The following OXNAD1 variants were observed in gnomAD, a reference collection of about 807,000 sequenced individuals.
The protein encoded by OXNAD1 is oxidoreductase NAD-binding domain-containing protein 1.
Under a neutral mutation model 32.9 loss-of-function variants are expected in OXNAD1, and 34 were observed. That is an observed-to-expected ratio of 1.03 (90% CI 0.79 to 1.38). The LOEUF is 1.38. Among genes scored for constraint, OXNAD1 ranks in the 40% most tolerant of loss-of-function variants. OXNAD1 has a pLI of 0.00. For missense variants in OXNAD1, 407 were observed against 379.4 expected (o/e 1.07, Z -0.60); for synonymous variants, 134 against 135.2 (o/e 0.99, Z 0.06).
rs1294891711 is a variant in OXNAD1, at chr3:16,305,898, T to G, written c.*2336T>G. 6.6e-6 allele frequency: 1 copy of G among 151,436 alleles called. No homozygotes were observed. The highest frequency in any genetic ancestry group is 1.5e-5 in the Non-Finnish European group (1 of 67,754). The allele number at this position is 151,436 out of a possible 1,614,324, so 9.4% of individuals were successfully genotyped here. A position where few individuals can be genotyped will look rare whatever the true frequency, so the allele number is the denominator to read the frequency against. On this transcript the variant is annotated 3_prime_UTR_variant, in exon 9 of 9. Coordinates refer to ENST00000285083, the MANE Select transcript of OXNAD1 (RefSeq NM_138381.5). This position sits in a 1 kb window ranked among gnomAD's most constrained non-coding sequence, Gnocchi z 4.5. ...GCATGAGTGTGTTGTCGTTATTAAT[T>G]TGCTATTCCTTGTCCTATTCAGAAA...
chr3:16,266,093 G>T (rs1051117832), intron 1 of OXNAD1, among the ~76,000 whole-genome samples: 1 of 152,052 alleles, frequency 6.6e-6, no homozygotes, highest in Non-Finnish European at 1.5e-5. Flanking sequence ...TTCGAGAGAA[G>T]ATCTGGGATC....
chr3:16,325,250 C>T (rs1429312286), intron 9 of OXNAD1, among the ~76,000 whole-genome samples: 1 of 152,220 alleles, frequency 6.6e-6, no homozygotes, highest in African/African-American at 2.4e-5. Flanking sequence ...AACAAAAGCT[C>T]AGCTCAAGAG....
At chr3:16,326,361 T>C (rs2069689481) in intron 9 of OXNAD1, among the ~76,000 whole-genome samples, 1 of 152,244 alleles carries the variant, frequency 6.6e-6, no homozygotes, top group African/African-American at 2.4e-5. Flanking sequence ...GCAAAATGGG[T>C]TTAATAATAA....
chr3:16,273,035 A>AT (rs2065065228), intron 4 of OXNAD1, among the ~76,000 whole-genome samples: 1 of 152,186 alleles, frequency 6.6e-6, no homozygotes. Context: ...AGCCATAGAC[A>AT]GTATGTATAC....
In OXNAD1 at chr3:16,303,655, T is replaced by G. The variant is rs1017881652; in HGVS notation, c.*93T>G. The G allele has an allele frequency of 3.5e-5, 46 of 1,328,836 alleles. No individual in the cohort carries two copies. Among genetic ancestry groups the G allele is most frequent in the Admixed American group, 2.0e-4 (7 of 34,804 alleles). 82.3% of individuals were successfully genotyped at this position (1,328,836 alleles called of 1,614,324 possible). On this transcript the variant is annotated 3_prime_UTR_variant, in exon 9 of 9. Transcript: ENST00000285083. This position sits in a 1 kb window ranked among gnomAD's most constrained non-coding sequence, Gnocchi z 4.8. ...ATGATTAATTTTTTTTATCTCTACT[T>G]GAGTTGTCTTATTTTTTAAGGCTAT...
At chr3:16,266,185 G>T (rs2064484600) in intron 1 of OXNAD1, among the ~76,000 whole-genome samples, 1 of 152,148 alleles carries the variant, frequency 6.6e-6, no homozygotes, top group South Asian at 2.1e-4. Flanking sequence ...GAAAGGATTG[G>T]AGTAGAGATG....
downstream of OXNAD1, among the ~76,000 whole-genome samples, chr3:16,307,435 T>TCCTCTA (rs2067639839): frequency 6.6e-6 from 1 of 152,116 alleles, no homozygotes; most frequent in Admixed American, 6.6e-5. Flanking sequence ...AGAGGATGGA[T>TCCTCTA]TGGCTAGCTG....
chr3:16,328,276 A>G (rs2069934517), intron 9 of OXNAD1, among the ~76,000 whole-genome samples: 1 of 152,232 alleles, frequency 6.6e-6, no homozygotes, highest in Non-Finnish European at 1.5e-5. Flanking sequence ...TAGAGTGCCA[A>G]GGTCTGTGGT....
Position 16,321,115 on chromosome 3 carries a change from G to T in OXNAD1, c.*31-15997G>T, listed in dbSNP as rs1406580079. ...AGGGTCAGCAGGGATAGCCCCTAAG[G>T]TGCAATGCCATTCCTCTAGATAGGG... On this transcript the variant is annotated intron_variant, in intron 9 of 9. Coordinates refer to the OXNAD1 transcript ENST00000435829. The surrounding 1 kb of genome is among the most constrained non-coding windows in gnomAD (Gnocchi z 4.8). Among the ~76,000 whole-genome samples, 1 of 152,140 alleles carries T rather than the reference G, an allele frequency of 6.6e-6. No homozygotes were observed. The highest frequency in any genetic ancestry group is 1.5e-5 in the Non-Finnish European group (1 of 68,018).
rs867186749 is a variant in OXNAD1, at chr3:16,287,954, G to A, written c.290+1506G>A. Among the ~76,000 whole-genome samples the A allele has an allele frequency of 3.3e-5, 5 of 152,154 alleles. No individual in the cohort carries two copies. Among genetic ancestry groups the A allele is most frequent in the African/African-American group, 1.2e-4 (5 of 41,438 alleles). Reference sequence around the variant, plus strand: ...GACTTCTTCGGAGGTCGGACTTGGCGGGTAAGGATCACTGGCTGGTAGTGT... The same window carrying A: ...GACTTCTTCGGAGGTCGGACTTGGCAGGTAAGGATCACTGGCTGGTAGTGT... On this transcript the variant is annotated intron_variant, in intron 5 of 8. Coordinates refer to ENST00000285083, the MANE Select transcript of OXNAD1 (RefSeq NM_138381.5). The surrounding 1 kb of genome is among the most constrained non-coding windows in gnomAD (Gnocchi z 4.8).
rs908388218 is a variant in OXNAD1, at chr3:16,344,740, C to T, written c.*31-4436C>T. On this transcript the variant is annotated intron_variant, in intron 9 of 9. Transcript: ENST00000606098. The surrounding 1 kb of genome is among the most constrained non-coding windows in gnomAD (Gnocchi z 4.4). ...AATGAAAGCACATCGTTGCCAAGTGCGGCCTCTCAATCAGTTATACACCAC... is the reference window on the plus strand; with the variant it reads ...AATGAAAGCACATCGTTGCCAAGTGTGGCCTCTCAATCAGTTATACACCAC... Among the ~76,000 whole-genome samples the T allele has an allele frequency of 5.3e-5, 8 of 152,164 alleles. No homozygotes were observed. Among genetic ancestry groups the T allele is most frequent in the Admixed American group, 5.2e-4 (8 of 15,280 alleles).
intron 9 of OXNAD1, among the ~76,000 whole-genome samples, chr3:16,332,519 G>A (rs1339534009): frequency 6.6e-6 from 1 of 151,246 alleles, no homozygotes; most frequent in Non-Finnish European, 1.5e-5. Context: ...CGGTTCCCAG[G>A]TTGCATGTGA....
rs2066292219 is a variant in OXNAD1 at position 16,289,609 on chromosome 3, A to G, written c.290+3161A>G. ...CACTGTAGATAGATAATATCCTTGCAACCTACACAAGCATGTGTGGCAGCC... is the reference window on the plus strand; with the variant it reads ...CACTGTAGATAGATAATATCCTTGCGACCTACACAAGCATGTGTGGCAGCC... On this transcript the variant is annotated intron_variant, in intron 5 of 8. Coordinates refer to ENST00000285083, the MANE Select transcript of OXNAD1 (RefSeq NM_138381.5). The surrounding 1 kb of genome is among the most constrained non-coding windows in gnomAD (Gnocchi z 4.9). Among the ~76,000 whole-genome samples the G allele has an allele frequency of 1.3e-5, 2 of 149,792 alleles. No homozygotes were observed. Among genetic ancestry groups the G allele is most frequent in the South Asian group, 4.2e-4 (2 of 4,710 alleles).
chr3:16,330,212 A>C (rs2070172349), intron 9 of OXNAD1, among the ~76,000 whole-genome samples: 1 of 152,238 alleles, frequency 6.6e-6, no homozygotes, highest in Admixed American at 6.5e-5. Flanking sequence ...TGAGTTGACA[A>C]GTAAAATACA....
rs1416838831 is a variant in OXNAD1 at position 16,348,245 on chromosome 3, G to A, written c.*31-931G>A. Among the ~76,000 whole-genome samples the A allele has an allele frequency of 3.3e-5, 5 of 152,156 alleles. No homozygotes were observed. Among genetic ancestry groups the A allele is most frequent in the East Asian group, 1.9e-4 (1 of 5,180 alleles). ...AAAGCATGATGGTAAAAAGGAAGCC[G>A]AGGCATCTAGATCACTGACATTATC... On this transcript the variant is annotated intron_variant, in intron 9 of 9. Transcript: ENST00000606098. The surrounding 1 kb of genome is among the most constrained non-coding windows in gnomAD (Gnocchi z 6.3).
intron 9 of OXNAD1, among the ~76,000 whole-genome samples, chr3:16,332,056 A>G (rs549659535): frequency 1.3e-5 from 2 of 152,106 alleles, no homozygotes; most frequent in Admixed American, 1.3e-4. Flanking sequence ...TTTCTCCCCT[A>G]GAAGTTCCGG....
At chr3:16,268,479 G>A (rs1210813379) in intron 1 of OXNAD1, among the ~76,000 whole-genome samples, 1 of 151,474 alleles carries the variant, frequency 6.6e-6, no homozygotes, top group Non-Finnish European at 1.5e-5. Context: ...ATAGGCGCCC[G>A]ACACCACACC....
Position 16,301,691 on chromosome 3 carries a change from G to T in OXNAD1, c.498G>T (p.Ala166=), listed in dbSNP as rs757169511. 5 of 1,613,808 alleles carry T rather than the reference G, an allele frequency of 3.1e-6. No individual in the cohort carries two copies. The highest frequency in any genetic ancestry group is 3.4e-6 in the Non-Finnish European group (4 of 1,179,948). ...GGEFFFDPQP[A]DASRNLVLIA... ...AGTTCTTCTTTGACCCTCAGCCTGCGGATGCCTCTAGAAACCTCGTGTTGA... is the reference window on the plus strand; with the variant it reads ...AGTTCTTCTTTGACCCTCAGCCTGCTGATGCCTCTAGAAACCTCGTGTTGA... The change falls in exon 7 of 9, where the codon GCG becomes GCT. Residue 166 remains alanine (A), a synonymous_variant. Coordinates refer to ENST00000285083, the MANE Select transcript of OXNAD1 (RefSeq NM_138381.5). The surrounding 1 kb of genome is among the most constrained non-coding windows in gnomAD (Gnocchi z 4.1).
Position 16,302,727 on chromosome 3 carries a change from G to A in OXNAD1, c.763G>A (p.Glu255Lys). 6.2e-7 allele frequency: 1 copy of A among 1,612,294 alleles called. No individual in the cohort carries two copies. The highest frequency in any genetic ancestry group is 8.5e-7 in the Non-Finnish European group (1 of 1,178,614). Reference sequence around the variant, plus strand: ...AAAACAGACTACACAAATCAATGCGGAACTCAAGCCATACATCACGGGTGA... The same window carrying A: ...AAAACAGACTACACAAATCAATGCGAAACTCAAGCCATACATCACGGGTGA... ...VTKQTTQINA[E>K]LKPYITEGRI... is the part of the protein sequence containing the mutation. The change falls in exon 8 of 9, where the codon GAA becomes AAA. Residue 255 changes from glutamate to lysine, a missense_variant. Transcript: ENST00000285083. The surrounding 1 kb of genome is among the most constrained non-coding windows in gnomAD (Gnocchi z 4.2).
Sources: allele counts gnomAD v4.1 joint callset (sites outside exome capture counted in the v4.1 genomes callset), GRCh38; gene constraint gnomAD v4.1.1; non-coding constraint Gnocchi (gnomAD v3.1); transcripts MANE v1.5; gene names NCBI Gene and HGNC (gene_info 2026-07-23, HGNC 2026-07-21).